The following UNC5D variants were observed in gnomAD, a reference collection of about 807,000 sequenced individuals.
UNC5D encodes the protein unc-5 netrin receptor D, also known as netrin receptor UNC5D.
In UNC5D, 39 loss-of-function variants were observed where a neutral mutation model predicts 105.4. That is an observed-to-expected ratio of 0.37 (90% CI 0.29 to 0.48). The LOEUF is 0.48. Ranked by LOEUF, UNC5D falls within the 20% of genes least tolerant of loss-of-function variation. UNC5D has a pLI of 0.98. For synonymous variants in UNC5D, 452 were observed against 450.4 expected, an observed-to-expected ratio of 1.00 and a Z score of -0.04; for missense variants, 991 against 1,202.4, an observed-to-expected ratio of 0.82 and a Z score of 2.60.
chr8:35,466,219 C>T (rs1176757423), intron 1 of UNC5D, among the ~76,000 whole-genome samples: 1 of 152,078 alleles, frequency 6.6e-6, no homozygotes, highest in Non-Finnish European at 1.5e-5. Context: ...AAGGAGTTAC[C>T]GAAGTCTAAT....
At chr8:35,708,397 T>G (rs1289427783) in intron 8 of UNC5D, among the ~76,000 whole-genome samples, 1 of 152,244 alleles carries the variant, frequency 6.6e-6, no homozygotes, top group Non-Finnish European at 1.5e-5. Flanking sequence ...GAATGTTTCA[T>G]TTTCTGCTTC....
At chr8:35,617,777 C>T (rs867994890) in intron 4 of UNC5D, among the ~76,000 whole-genome samples, 3 of 152,230 alleles carry the variant, frequency 2.0e-5, no homozygotes, top group African/African-American at 7.2e-5. Flanking sequence ...ACATTCAGAA[C>T]TGAACAGCTG....
intron 1 of UNC5D, among the ~76,000 whole-genome samples, chr8:35,333,488 G>A (rs1473128168): frequency 6.6e-6 from 1 of 152,030 alleles, no homozygotes; most frequent in African/African-American, 2.4e-5. Flanking sequence ...GGAAGTAGGA[G>A]AATTATGTTT....
At chr8:35,250,106 G>A (rs1401836071) in intron 1 of UNC5D, among the ~76,000 whole-genome samples, 1 of 152,160 alleles carries the variant, frequency 6.6e-6, no homozygotes, top group Non-Finnish European at 1.5e-5. Context: ...AGCCCCAAAT[G>A]TTTAATGTAA....
chr8:35,581,201 C>T (rs1032341211), intron 3 of UNC5D, among the ~76,000 whole-genome samples: 8 of 152,112 alleles, frequency 5.3e-5, no homozygotes, highest in Non-Finnish European at 1.2e-4. Flanking sequence ...CTCTTCCCAC[C>T]TGTAAATATT....
At chr8:35,441,234 A>G (rs1218733389) in intron 1 of UNC5D, among the ~76,000 whole-genome samples, 2 of 151,968 alleles carry the variant, frequency 1.3e-5, no homozygotes, top group Non-Finnish European at 2.9e-5. Context: ...TCTCTTTCCT[A>G]GCTTTCAATT....
At chr8:35,677,350 C>G (rs534866645) in intron 4 of UNC5D, among the ~76,000 whole-genome samples, 1 of 152,224 alleles carries the variant, frequency 6.6e-6, no homozygotes, top group South Asian at 2.1e-4. Context: ...AGAACAGTCC[C>G]TTGTCTTTAA....
chr8:35,349,046 G>A (rs1327251003), intron 1 of UNC5D, among the ~76,000 whole-genome samples: 3 of 151,832 alleles, frequency 2.0e-5, no homozygotes, highest in East Asian at 3.9e-4. Context: ...CTTTTCAAAT[G>A]TTTGGCTTCA....
chr8:35,317,310 T>G (rs2980406), intron 1 of UNC5D, among the ~76,000 whole-genome samples: 54,843 of 151,998 alleles, frequency 0.36, 10,909 homozygotes, highest in Middle Eastern at 0.45. Context: ...AGATAACACC[T>G]CTTCTCAAAG....
At chr8:35,664,734 A>T (rs1824320045) in intron 4 of UNC5D, among the ~76,000 whole-genome samples, 1 of 152,154 alleles carries the variant, frequency 6.6e-6, no homozygotes. Flanking sequence ...TTGTATGAAA[A>T]GGCATTTGAC....
intron 1 of UNC5D, among the ~76,000 whole-genome samples, chr8:35,515,184 T>C (rs1482757370): frequency 6.6e-6 from 1 of 152,214 alleles, no homozygotes; most frequent in African/African-American, 2.4e-5. Context: ...AAAACTTTTG[T>C]GGCCTTACCA....
At chr8:35,549,592 T>A in intron 2 of UNC5D, 82 bp downstream of exon 2, 1 of 1,327,994 alleles carries the variant, frequency 7.5e-7, no homozygotes, top group Non-Finnish European at 1.0e-6. Context: ...AGACTGGAAA[T>A]CACCCCCCAT....
chr8:35,619,315 T>C (rs1821213500), intron 4 of UNC5D, among the ~76,000 whole-genome samples: 1 of 152,114 alleles, frequency 6.6e-6, no homozygotes, highest in African/African-American at 2.4e-5. Flanking sequence ...TACAGAACAG[T>C]CAAGAAGCAA....
chr8:35,434,106 A>T (rs765252798), intron 1 of UNC5D, among the ~76,000 whole-genome samples: 3 of 152,070 alleles, frequency 2.0e-5, no homozygotes, highest in Non-Finnish European at 4.4e-5. Context: ...AAGCACTAAA[A>T]TCTATTGATT....
At chr8:35,446,262 G>A (rs575753471) in intron 1 of UNC5D, among the ~76,000 whole-genome samples, 1 of 151,716 alleles carries the variant, frequency 6.6e-6, no homozygotes, top group East Asian at 1.9e-4. Flanking sequence ...TTTGTATGTG[G>A]GATTTATTGG....
intron 16 of UNC5D, among the ~76,000 whole-genome samples, chr8:35,781,446 T>A (rs111594876): frequency 6.6e-6 from 1 of 152,260 alleles, no homozygotes; most frequent in Admixed American, 6.5e-5. Flanking sequence ...GGTGTGTGTG[T>A]GCTAGGTTTT....
chr8:35,635,152 G>A (rs546731521), intron 4 of UNC5D, among the ~76,000 whole-genome samples: 8 of 152,166 alleles, frequency 5.3e-5, no homozygotes, highest in East Asian at 3.9e-4. Flanking sequence ...CTTCAGCACC[G>A]TAATATACAT....
At chr8:35,254,766 A>T (rs1041144804) in intron 1 of UNC5D, 1 of 152,100 alleles carries the variant, frequency 6.6e-6, no homozygotes, top group African/African-American at 2.4e-5. Context: ...ACCATATTTT[A>T]GTTCTTTTTT....
chr8:35,690,808 C>T (rs1199460088), intron 7 of UNC5D, among the ~76,000 whole-genome samples: 1 of 152,192 alleles, frequency 6.6e-6, no homozygotes, highest in African/African-American at 2.4e-5. Context: ...TAGCATTTGG[C>T]AACAGCTTTA....
Sources: gnomAD v4.1 joint callset for allele counts (sites outside exome capture counted in the v4.1 genomes callset) on GRCh38, gnomAD v4.1.1 for gene constraint, MANE v1.5 for transcripts, NCBI Gene and HGNC (gene_info 2026-07-23, HGNC 2026-07-21) for gene names.